Variants in BCLAF3 observed in about 807,000 individuals in gnomAD.
BCLAF3 encodes the protein transient octamer binding factor 1.
Under a neutral mutation model 51.2 loss-of-function variants are expected in BCLAF3, and 24 were observed. The ratio of observed to expected loss-of-function variants is 0.47; its 90% CI spans 0.34 to 0.66. The LOEUF is 0.66. BCLAF3 is among the 30% of genes least tolerant of loss of function. The pLI is 0.01. For synonymous variants in BCLAF3, 152 were observed against 176.6 expected (o/e 0.86, Z 1.10); for missense variants, 465 against 525.1 (o/e 0.89, Z 1.12).
intron 1 of BCLAF3, among the ~76,000 whole-genome samples, chrX:19,970,715 G>C (rs1421140663): frequency 9.0e-6 from 1 of 111,549 alleles, no homozygotes; most frequent in East Asian, 2.8e-4. Flanking sequence ...ACTACATGTT[G>C]AAATATTTTG....
chrX:19,929,510 C>A, intron 11 of BCLAF3: 1 of 194,386 alleles, frequency 5.1e-6, no homozygotes, highest in Non-Finnish European at 9.4e-6. Flanking sequence ...CAAAGATTAA[C>A]CATACAACAG....
At chrX:19,930,091 G>A (rs775098212) in intron 10 of BCLAF3, 151 bp from the exon 11 acceptor site, 102 of 442,825 alleles carry the variant, frequency 2.3e-4, no homozygotes, top group African/African-American at 1.3e-3. Flanking sequence ...CAAGCTGATC[G>A]CTTGAGGTCA....
At chrX:19,985,485 T>A (rs1397545830) in intron 1 of BCLAF3, among the ~76,000 whole-genome samples, 2 of 105,004 alleles carry the variant, frequency 1.9e-5, no homozygotes, top group Admixed American at 2.0e-4. Context: ...TCTCGGGAGG[T>A]TGAGGCAGGG....
intron 7 of BCLAF3, among the ~76,000 whole-genome samples, chrX:19,952,007 C>T (rs956113301): frequency 2.7e-5 from 3 of 111,806 alleles, no homozygotes; most frequent in Non-Finnish European, 5.6e-5. Flanking sequence ...TATTATGGAT[C>T]ACGTGAAAAG....
chrX:19,990,836 C>A (rs2072910463), intron 1 of BCLAF3, among the ~76,000 whole-genome samples, 72 bp downstream of exon 1: 3 of 110,653 alleles, frequency 2.7e-5, no homozygotes, highest in African/African-American at 9.8e-5. Context: ...GAGAACCGCC[C>A]CTCCTGGGTG....
chrX:19,968,596 C>T (rs1042493582), intron 2 of BCLAF3, among the ~76,000 whole-genome samples: 4 of 113,101 alleles, frequency 3.5e-5, no homozygotes, highest in African/African-American at 1.3e-4. Flanking sequence ...ATGACAGGAA[C>T]ATGAAGCTCA....
At chrX:19,987,726 G>A (rs996322620) in intron 1 of BCLAF3, among the ~76,000 whole-genome samples, 3 of 112,329 alleles carry the variant, frequency 2.7e-5, no homozygotes. Flanking sequence ...TCTTTCCTGG[G>A]GAAGCTAAGT....
rs1052724697 is a variant in BCLAF3 at position 19,979,099 on chromosome X, A to C, written c.-34-8801T>G. 3.6e-5 allele frequency among the ~76,000 whole-genome samples: 4 copies of C among 110,980 alleles called. No homozygotes were observed. The East Asian group carries it at 1.1e-3, about 32-fold the overall frequency. ...ACATGGTGAAACCCCGTCTCTACTAAAAATACAAAAATTAGCCAGGTGTGG... is the reference window on the plus strand; with the variant it reads ...ACATGGTGAAACCCCGTCTCTACTACAAATACAAAAATTAGCCAGGTGTGG... On this transcript the variant is annotated intron_variant, in intron 1 of 11. Coordinates refer to ENST00000379682, the MANE Select transcript of BCLAF3 (RefSeq NM_001367774.2).
In BCLAF3 at chrX:19,965,420, T is replaced by C. The variant is rs766778989; in HGVS notation, c.898A>G (p.Thr300Ala). 19 of 1,210,036 alleles carry C rather than the reference T, an allele frequency of 1.6e-5. No homozygotes were observed. Among genetic ancestry groups the C allele is most frequent in the South Asian group, 3.5e-5 (2 of 56,855 alleles). The part of the protein sequence containing the change: ...DGDQDFSDGR[T>A]QKYCKEEDRK... ...TCTTCTTCCTTACAGTACTTCTGAG[T>C]TCTCCCATCAGAAAAGTCCTGGTCC... The change falls in exon 4 of 12, where the codon ACT becomes GCT. Residue 300 changes from threonine (T) to alanine (A), a missense_variant. Coordinates refer to ENST00000379682, the MANE Select transcript of BCLAF3 (RefSeq NM_001367774.2).
chrX:19,918,201 C>T (rs1389215825), intron 11 of BCLAF3: 1 of 111,428 alleles, frequency 9.0e-6, no homozygotes, highest in African/African-American at 3.3e-5. Flanking sequence ...TCTTATTCTT[C>T]TATTTTGGTT....
chrX:19,946,157 G>T (rs1459404751), intron 8 of BCLAF3, among the ~76,000 whole-genome samples: 4 of 111,389 alleles, frequency 3.6e-5, no homozygotes, highest in Non-Finnish European at 7.6e-5. Context: ...GCACCCACTG[G>T]CCTGCGCCCA....
intron 4 of BCLAF3, among the ~76,000 whole-genome samples, chrX:19,960,958 C>T (rs1389928804): frequency 1.8e-5 from 2 of 112,010 alleles, no homozygotes; most frequent in African/African-American, 6.5e-5. Flanking sequence ...TCCCCATGTC[C>T]CAGGTGTCTC....
At chrX:19,986,815 T>C (rs1303662858) in intron 1 of BCLAF3, among the ~76,000 whole-genome samples, 24 of 104,112 alleles carry the variant, frequency 2.3e-4, no homozygotes, top group African/African-American at 4.5e-4. Context: ...TTTTTTTTTT[T>C]CCCCTTGAGT....
chrX:19,935,036 T>C (rs1427887425), intron 10 of BCLAF3, among the ~76,000 whole-genome samples: 1 of 109,929 alleles, frequency 9.1e-6, no homozygotes, highest in Non-Finnish European at 1.9e-5. Context: ...ATACAAAAAT[T>C]AGCTGGGCAT....
rs997975531 is a variant in BCLAF3, at chrX:19,966,299, G to A, written c.392C>T (p.Pro131Leu). Residue 131 changes from proline to leucine, a missense_variant, in exon 3 of 12, where the codon CCC becomes CTC. By Grantham distance (98) the Pro-to-Leu change is moderately conservative. Transcript: ENST00000379682. ...PYKEHERNSY[P>L]QKVQGGHSPD... is the part of the protein sequence containing the mutation. ...ACTATGCCCTCCTTGCACTTTCTGG[G>A]GATAAGAATTCCTTTCATGCTCTTT... 3 of 1,209,410 alleles carry A rather than the reference G, an allele frequency of 2.5e-6. No individual in the cohort carries two copies. Among genetic ancestry groups the A allele is most frequent in the Non-Finnish European group, 3.4e-6 (3 of 895,025 alleles).
intron 4 of BCLAF3, among the ~76,000 whole-genome samples, chrX:19,956,377 G>A (rs777323396): frequency 1.8e-5 from 2 of 111,554 alleles, no homozygotes; most frequent in South Asian, 7.6e-4. Context: ...TTACCAACAT[G>A]ATCTCATTTC....
rs563049151 is a variant in BCLAF3 at position 19,989,711 on chromosome X, T to C, written c.-35+1197A>G. Among the ~76,000 whole-genome samples the C allele has an allele frequency of 3.2e-4, 36 of 111,115 alleles. 1 individual carries two copies. In the South Asian group the frequency reaches 0.013, roughly 40 times the overall value. ...TGGAGGTGTATAACCACATTCACAA[T>C]GGTTACTTGGAATGGGGAAACCATA... On this transcript the variant is annotated intron_variant, in intron 1 of 11. Transcript: ENST00000379682.
chrX:19,931,919 A>G (rs2070575118), intron 10 of BCLAF3, among the ~76,000 whole-genome samples: 1 of 111,974 alleles, frequency 8.9e-6, no homozygotes, highest in South Asian at 3.7e-4. Flanking sequence ...AGCACAAAAG[A>G]GCATTTAGTT....
intron 4 of BCLAF3, among the ~76,000 whole-genome samples, chrX:19,963,144 T>C (rs975250610): frequency 9.3e-6 from 1 of 107,160 alleles, no homozygotes; most frequent in Non-Finnish European, 1.9e-5. Flanking sequence ...ATGTATATCT[T>C]ATAGCCATCA....
Sources: gnomAD v4.1 joint callset for allele counts (sites outside exome capture counted in the v4.1 genomes callset) on GRCh38, gnomAD v4.1.1 for gene constraint, MANE v1.5 for transcripts, NCBI Gene and HGNC (gene_info 2026-07-23, HGNC 2026-07-21) for gene names.